Variants in PPM1E observed in about 807,000 individuals in gnomAD.
The protein encoded by PPM1E is protein phosphatase 1E.
PPM1E carries 20 observed loss-of-function variants against 65.9 expected under a neutral mutation model. The ratio of observed to expected loss-of-function variants is 0.30; its 90% confidence interval spans 0.21 to 0.44. The LOEUF (loss-of-function observed/expected upper bound fraction) is 0.44, where lower values mean the gene tolerates loss of function less well. PPM1E is among the 20% of genes least tolerant of loss of function. The pLI, the probability that PPM1E is intolerant of heterozygous loss-of-function variation, is 1.00. For synonymous variants in PPM1E, 352 were observed against 374.9 expected (o/e 0.94, Z 0.70); for missense variants, 713 against 953.1 (o/e 0.75, Z 3.32).
intron 1 of PPM1E, among the ~76,000 whole-genome samples, chr17:58,780,651 A>C (rs1251203001): frequency 2.0e-5 from 3 of 152,158 alleles, no homozygotes; most frequent in Non-Finnish European, 4.4e-5. Context: ...CTTGAGTATC[A>C]TGTGTTACAA....
intron 1 of PPM1E, chr17:58,836,014 G>C (rs1012957837): frequency 6.6e-6 from 1 of 152,124 alleles, no homozygotes; most frequent in African/African-American, 2.4e-5. Context: ...GGGAAACTGA[G>C]ACTTAGAACA....
At position 58,767,277 on chromosome 17, in the gene PPM1E, A is replaced by G. The variant is rs573419255; in HGVS notation, c.464+10816A>G. ...ATATATGATAAAGATTTTTATCATT[A>G]ACCTGTTTTGCAGATGAAAAAGCTG... On this transcript the variant is annotated intron_variant, in intron 1 of 6. Transcript: ENST00000308249. Among the ~76,000 whole-genome samples, 8 of 152,296 alleles carry G rather than the reference A, an allele frequency of 5.3e-5. No homozygotes were observed. The East Asian group carries it at 1.5e-3, about 29-fold the overall frequency.
chr17:58,906,810 G>A (rs2051564022), intron 1 of PPM1E, among the ~76,000 whole-genome samples: 1 of 151,830 alleles, frequency 6.6e-6, no homozygotes, highest in Admixed American at 6.6e-5. Flanking sequence ...TGCACTTAAT[G>A]TTACCAATTT....
rs527941236 is a variant in PPM1E at position 58,880,877 on chromosome 17, A to T, written c.465-74772A>T. On this transcript the variant is annotated intron_variant, in intron 1 of 6. Coordinates refer to ENST00000308249, the MANE Select transcript of PPM1E (RefSeq NM_014906.5). ...TCCTGAGCTCAAGCAATTTTTTTTTAAACTGGTGATGGTTCACAACTTGTG... is the reference window on the plus strand; with the variant it reads ...TCCTGAGCTCAAGCAATTTTTTTTTTAACTGGTGATGGTTCACAACTTGTG... Among the ~76,000 whole-genome samples the T allele has an allele frequency of 9.2e-5, 14 of 151,970 alleles. No individual in the cohort carries two copies. The South Asian group carries it at 1.7e-3, about 18-fold the overall frequency.
chr17:58,960,585 G>A (rs953621295), intron 2 of PPM1E, among the ~76,000 whole-genome samples: 2 of 151,922 alleles, frequency 1.3e-5, no homozygotes, highest in Non-Finnish European at 2.9e-5. Flanking sequence ...GACCAGTCTG[G>A]CCAACATGGT....
At chr17:58,786,014 A>G (rs899792288) in intron 1 of PPM1E, among the ~76,000 whole-genome samples, 1 of 137,574 alleles carries the variant, frequency 7.3e-6, no homozygotes, top group Admixed American at 7.2e-5. Flanking sequence ...TCACCTTTTC[A>G]CTTTTTTTTT....
chr17:58,910,612 TA>T (rs369848109), intron 1 of PPM1E, among the ~76,000 whole-genome samples: 56 of 152,338 alleles, frequency 3.7e-4, no homozygotes, highest in African/African-American at 1.2e-3. Flanking sequence ...AGCCCTTTAG[TA>T]ATGTGGTGAT....
chr17:58,774,196 G>T (rs1014079331), intron 1 of PPM1E, among the ~76,000 whole-genome samples: 1 of 151,454 alleles, frequency 6.6e-6, no homozygotes, highest in Non-Finnish European at 1.5e-5. Context: ...GGTAATTATG[G>T]TGCATACTAA....
At chr17:58,798,757 G>T (rs2050231957) in intron 1 of PPM1E, among the ~76,000 whole-genome samples, 1 of 151,538 alleles carries the variant, frequency 6.6e-6, no homozygotes, top group Non-Finnish European at 1.5e-5. Context: ...TCAGTGGCAT[G>T]ATCTTGGCTC....
At chr17:58,923,800 G>C (rs2051786469) in intron 1 of PPM1E, among the ~76,000 whole-genome samples, 1 of 150,874 alleles carries the variant, frequency 6.6e-6, no homozygotes, top group African/African-American at 2.4e-5. Context: ...CATAATCCCA[G>C]CTACTCAGGA....
At chr17:58,818,902 C>A (rs1368518814) in intron 1 of PPM1E, among the ~76,000 whole-genome samples, 1 of 152,142 alleles carries the variant, frequency 6.6e-6, no homozygotes. Context: ...AGTCAGGAAG[C>A]TAAGGTGGAA....
At chr17:58,912,666 A>G (rs1281612464) in intron 1 of PPM1E, among the ~76,000 whole-genome samples, 1 of 152,210 alleles carries the variant, frequency 6.6e-6, no homozygotes, top group Non-Finnish European at 1.5e-5. Flanking sequence ...GTCTTTTTGT[A>G]TGATAATGAG....
At position 58,955,571 on chromosome 17, in the gene PPM1E, T is replaced by A. The variant is rs572964783; in HGVS notation, c.465-78T>A. The A allele has an allele frequency of 4.9e-5, 71 of 1,459,482 alleles. No homozygotes were observed. The South Asian group carries it at 8.1e-4, about 17-fold the overall frequency. 90.4% of individuals were successfully genotyped at this position (1,459,482 alleles called of 1,614,324 possible). On this transcript the variant is annotated intron_variant, in intron 1 of 6. Transcript: ENST00000308249. ...TGTTTTGAGACAATGTTATAATTAA[T>A]ATGTAATTATTATAACGTTAAATGT... is the stretch of plus-strand genomic sequence containing the variant.
At chr17:58,821,800 T>C (rs1054535643) in intron 1 of PPM1E, among the ~76,000 whole-genome samples, 1 of 152,184 alleles carries the variant, frequency 6.6e-6, no homozygotes, top group African/African-American at 2.4e-5. Flanking sequence ...TCCATTGTTA[T>C]TTGGTAAAGG....
intron 1 of PPM1E, among the ~76,000 whole-genome samples, chr17:58,873,625 A>G (rs2051097090): frequency 6.7e-6 from 1 of 149,950 alleles, no homozygotes; most frequent in South Asian, 2.1e-4. Context: ...TCAGGGTCTC[A>G]CTTTGTCACC....
chr17:58,888,935 G>A (rs978429568), intron 1 of PPM1E, among the ~76,000 whole-genome samples: 1 of 152,144 alleles, frequency 6.6e-6, no homozygotes, highest in African/African-American at 2.4e-5. Context: ...TGGATTTATG[G>A]CATCATTCTC....
At chr17:58,791,585 A>G (rs556766916) in intron 1 of PPM1E, among the ~76,000 whole-genome samples, 1 of 152,294 alleles carries the variant, frequency 6.6e-6, no homozygotes, top group East Asian at 1.9e-4. Context: ...CTCTTTATCC[A>G]CTTGTATAGG....
intron 1 of PPM1E, among the ~76,000 whole-genome samples, chr17:58,793,202 TTTG>T (rs1227419222): frequency 6.6e-5 from 10 of 152,004 alleles, no homozygotes; most frequent in Admixed American, 3.3e-4. Flanking sequence ...ACCTTGAATC[TTTG>T]TTATTTCCTT....
At chr17:58,785,147 A>G (rs184483589) in intron 1 of PPM1E, among the ~76,000 whole-genome samples, 41 of 152,158 alleles carry the variant, frequency 2.7e-4, no homozygotes, top group Non-Finnish European at 5.1e-4. Context: ...TAATTTGTGT[A>G]TATAGAGGAG....
Sources: gnomAD v4.1 joint callset for allele counts (sites outside exome capture counted in the v4.1 genomes callset) on GRCh38, gnomAD v4.1.1 for gene constraint, MANE v1.5 for transcripts, NCBI Gene and HGNC (gene_info 2026-07-23, HGNC 2026-07-21) for gene names.